DPYD: variants seen among roughly 807,000 people sequenced by gnomAD.
The protein encoded by DPYD is dihydropyrimidine dehydrogenase [NADP(+)].
Under a neutral mutation model 116.2 loss-of-function variants are expected in DPYD, and 109 were observed. The ratio of observed to expected loss-of-function variants is 0.94; its 90% CI spans 0.80 to 1.10. DPYD has a LOEUF of 1.10. Among genes scored for constraint, DPYD ranks in the 50% least tolerant of loss-of-function variants. The probability of loss-of-function intolerance (pLI) is 0.00; values close to 1 mark genes in which losing one functional copy is unlikely to be tolerated. For missense variants in DPYD, 1,302 were observed against 1,254.5 expected (o/e 1.04, Z -0.57); for synonymous variants, 440 against 432.0 (o/e 1.02, Z -0.23).
intron 20 of DPYD, among the ~76,000 whole-genome samples, chr1:97,173,232 GC>G (rs1557911358): frequency 5.8e-4 from 49 of 83,824 alleles, no homozygotes; most frequent in Non-Finnish European, 5.8e-5. Flanking sequence ...GTACATATAT[GC>G]GCACACATAT....
chr1:97,254,030 G>A (rs1241874691), intron 18 of DPYD, among the ~76,000 whole-genome samples: 1 of 152,006 alleles, frequency 6.6e-6, no homozygotes, highest in South Asian at 2.1e-4. Flanking sequence ...ACTCTATTAA[G>A]GCTTTTATTA....
At chr1:97,096,153 C>T (rs1160019785) in intron 21 of DPYD, among the ~76,000 whole-genome samples, 2 of 152,138 alleles carry the variant, frequency 1.3e-5, no homozygotes, top group Admixed American at 6.6e-5. Context: ...TCTTTATCTA[C>T]ATCCAAGACT....
At chr1:97,122,032 A>C (rs963750799) in intron 20 of DPYD, among the ~76,000 whole-genome samples, 3 of 152,160 alleles carry the variant, frequency 2.0e-5, no homozygotes, top group Admixed American at 6.5e-5. Context: ...AGATTCTTGA[A>C]TCTTGAAGGA....
chr1:97,115,563 A>T (rs968627573), intron 20 of DPYD, among the ~76,000 whole-genome samples: 2 of 152,186 alleles, frequency 1.3e-5, no homozygotes, highest in African/African-American at 4.8e-5. Context: ...AGTTTTTATT[A>T]TACTTATGTA....
chr1:97,405,627 T>C (rs574227414), intron 14 of DPYD, among the ~76,000 whole-genome samples: 1 of 152,230 alleles, frequency 6.6e-6, no homozygotes, highest in Admixed American at 6.5e-5. Context: ...ACAATTCTCC[T>C]GCCTCAGCCT....
chr1:97,857,080 GC>G (rs1440578949), intron 2 of DPYD, among the ~76,000 whole-genome samples: 1 of 152,082 alleles, frequency 6.6e-6, no homozygotes, highest in Non-Finnish European at 1.5e-5. Flanking sequence ...AACTTGCCTT[GC>G]CCAGTACATC....
At chr1:97,486,674 A>G (rs1205955662) in intron 13 of DPYD, among the ~76,000 whole-genome samples, 1 of 152,136 alleles carries the variant, frequency 6.6e-6, no homozygotes, top group Non-Finnish European at 1.5e-5. Flanking sequence ...AATTTTATAC[A>G]AATTTATGAT....
At chr1:97,436,381 T>C (rs1675473838) in intron 14 of DPYD, among the ~76,000 whole-genome samples, 2 of 152,008 alleles carry the variant, frequency 1.3e-5, no homozygotes, top group Non-Finnish European at 2.9e-5. Flanking sequence ...GTGACAAACA[T>C]AAGCAATTTA....
chr1:97,705,646 C>T (rs1030949475), intron 5 of DPYD, among the ~76,000 whole-genome samples: 2 of 151,992 alleles, frequency 1.3e-5, no homozygotes, highest in African/African-American at 4.8e-5. Flanking sequence ...TGGGTATATA[C>T]CCAGTAATGG....
intron 20 of DPYD, among the ~76,000 whole-genome samples, chr1:97,185,610 TAATAA>T (rs1657940886): frequency 6.6e-6 from 1 of 152,222 alleles, no homozygotes. Flanking sequence ...TGTGGTATTT[TAATAA>T]AATATAGTAT....
intron 2 of DPYD, among the ~76,000 whole-genome samples, chr1:97,867,614 C>A (rs1252637438): frequency 6.6e-6 from 1 of 151,726 alleles, no homozygotes; most frequent in Non-Finnish European, 1.5e-5. Flanking sequence ...GAATAAAGGA[C>A]AAAAACCATA....
intron 18 of DPYD, among the ~76,000 whole-genome samples, chr1:97,264,263 A>C (rs774845886): frequency 1.3e-4 from 18 of 143,048 alleles, no homozygotes; most frequent in Non-Finnish European, 2.5e-4. Flanking sequence ...CTTGGGCTCA[A>C]GCGATCTTCC....
At chr1:97,838,951 A>C (rs985264576) in intron 2 of DPYD, among the ~76,000 whole-genome samples, 1 of 152,218 alleles carries the variant, frequency 6.6e-6, no homozygotes, top group Admixed American at 6.5e-5. Context: ...CAATGCTAGA[A>C]CAACAGGGAC....
chr1:97,588,289 A>C (rs1362524537), intron 10 of DPYD, among the ~76,000 whole-genome samples: 1 of 152,234 alleles, frequency 6.6e-6, no homozygotes, highest in African/African-American at 2.4e-5. Flanking sequence ...AGAATTAAAG[A>C]TCAATCGTGT....
chr1:97,673,357 T>C (rs972595420), intron 8 of DPYD, among the ~76,000 whole-genome samples: 2 of 152,146 alleles, frequency 1.3e-5, no homozygotes, highest in African/African-American at 4.8e-5. Context: ...AATAGTGTAA[T>C]ACCAAAATTA....
chr1:97,248,131 G>A (rs1046359036), intron 18 of DPYD, among the ~76,000 whole-genome samples: 1 of 152,174 alleles, frequency 6.6e-6, no homozygotes, highest in Non-Finnish European at 1.5e-5. Context: ...TATAAAAGGT[G>A]TAAAGCATCA....
At chr1:97,538,344 A>G (rs959535617) in intron 12 of DPYD, among the ~76,000 whole-genome samples, 1 of 152,164 alleles carries the variant, frequency 6.6e-6, no homozygotes, top group African/African-American at 2.4e-5. Context: ...TCTTGAAATC[A>G]CACATTCATT....
intron 2 of DPYD, among the ~76,000 whole-genome samples, chr1:97,848,436 A>C (rs1670413451): frequency 6.6e-6 from 1 of 152,186 alleles, no homozygotes; most frequent in Admixed American, 6.5e-5. Flanking sequence ...TATTTTCCAA[A>C]AATGTCATAT....
At chr1:97,375,513 A>G (rs1430812581) in intron 15 of DPYD, among the ~76,000 whole-genome samples, 27 of 152,152 alleles carry the variant, frequency 1.8e-4, no homozygotes, top group Non-Finnish European at 1.5e-5. Context: ...TTGCTTTCCT[A>G]ATCCGATTTT....
Sources: allele counts gnomAD v4.1 joint callset (sites outside exome capture counted in the v4.1 genomes callset), GRCh38; gene constraint gnomAD v4.1.1; transcripts MANE v1.5; gene names NCBI Gene and HGNC (gene_info 2026-07-23, HGNC 2026-07-21).